Variants in TMEM272 observed in about 807,000 individuals in gnomAD.
The protein encoded by TMEM272 is transmembrane protein 272, also known as long intergenic non-protein coding RNA 282.
TMEM272 carries 8 observed loss-of-function variants against 3.7 expected under a neutral mutation model. The ratio of observed to expected loss-of-function variants is 2.17; its 90% CI spans 1.27 to 3.91. The LOEUF (loss-of-function observed/expected upper bound fraction) is 3.91. Ranked by LOEUF, TMEM272 falls within the 30% of genes most tolerant of loss-of-function variation. TMEM272 has a pLI of 0.00. For synonymous variants in TMEM272, 63 were observed against 39.8 expected (o/e 1.58, Z -2.20); for missense variants, 166 against 91.5 (o/e 1.81, Z -3.32).
At chr13:51,856,981 G>A in the TMEM272 span, among the ~76,000 whole-genome samples, 4 of 152,168 alleles carry the variant, frequency 2.6e-5, no homozygotes, top group Non-Finnish European at 5.9e-5. Context: ...TCAGTGTTGT[G>A]TAGTACCTAA....
the TMEM272 span, among the ~76,000 whole-genome samples, chr13:51,868,335 G>A: frequency 6.6e-6 from 1 of 152,204 alleles, no homozygotes; most frequent in Admixed American, 6.5e-5. Context: ...CTCTCTGAGA[G>A]AGCACTACAG....
upstream of TMEM272, among the ~76,000 whole-genome samples, chr13:51,846,575 ATAT>A (rs1260138860): frequency 6.6e-6 from 1 of 152,238 alleles, no homozygotes; most frequent in Non-Finnish European, 1.5e-5. Flanking sequence ...TTACTTATAT[ATAT>A]TAAAAAAAGG....
the TMEM272 span, among the ~76,000 whole-genome samples, chr13:51,879,321 T>C: frequency 2.6e-5 from 4 of 151,202 alleles, no homozygotes; most frequent in African/African-American, 9.8e-5. Flanking sequence ...CCAGTACCCA[T>C]ATAAGACTTT....
At chr13:51,823,232 C>T (rs1218798479) in intron 3 of TMEM272, among the ~76,000 whole-genome samples, 1 of 152,240 alleles carries the variant, frequency 6.6e-6, no homozygotes, top group Non-Finnish European at 1.5e-5. Context: ...GGATGTGCCA[C>T]TATGCACAGC....
chr13:51,825,429 T>C (rs916534145), intron 3 of TMEM272, among the ~76,000 whole-genome samples: 5 of 152,172 alleles, frequency 3.3e-5, no homozygotes, highest in African/African-American at 1.2e-4. Context: ...ATTCACAGTG[T>C]TGTGCAACTA....
At chr13:51,931,613 A>G in the TMEM272 span, among the ~76,000 whole-genome samples, 1 of 152,204 alleles carries the variant, frequency 6.6e-6, no homozygotes, top group Non-Finnish European at 1.5e-5. Context: ...TGCTCTGCAC[A>G]TGTACCTAGA....
intron 2 of TMEM272, among the ~76,000 whole-genome samples, chr13:51,835,317 C>T (rs1326144993): frequency 6.6e-6 from 1 of 151,656 alleles, no homozygotes; most frequent in East Asian, 1.9e-4. Context: ...CTCCACCTAC[C>T]GGGTTCAAGC....
At chr13:51,840,481 G>C (rs2139587621) in intron 1 of TMEM272, among the ~76,000 whole-genome samples, 1 of 152,334 alleles carries the variant, frequency 6.6e-6, no homozygotes, top group South Asian at 2.1e-4. Context: ...CTGTTAACCA[G>C]AACGGACTTT....
chr13:51,928,494 A>G, the TMEM272 span, among the ~76,000 whole-genome samples: 1 of 152,184 alleles, frequency 6.6e-6, no homozygotes, highest in East Asian at 1.9e-4. Context: ...ACTGCACTCA[A>G]CTGCGAAGAG....
Position 51,822,603 on chromosome 13 carries a change from C to T in TMEM272, c.119-466G>A, listed in dbSNP as rs552384103. 4.6e-5 allele frequency among the ~76,000 whole-genome samples: 7 copies of T among 152,100 alleles called. No individual in the cohort carries two copies. The East Asian group carries it at 7.7e-4, about 17-fold the overall frequency. On this transcript the variant is annotated intron_variant, in intron 3 of 4. Coordinates refer to ENST00000629372, the MANE Select transcript of TMEM272 (RefSeq NM_001351003.2). ...TTCTCATCTACTCTGCTTCCAGGGG[C>T]CAGGTGGCAGGGAGGAGCCGCTCTT...
chr13:51,928,273 TTTTG>T, the TMEM272 span, among the ~76,000 whole-genome samples: 181 of 152,220 alleles, frequency 1.2e-3, no homozygotes, highest in African/African-American at 4.0e-3. Context: ...AGGTGGTTTG[TTTTG>T]TTTGTTTGTT....
Position 51,816,676 on chromosome 13 carries a change from T to TGTGC in TMEM272, c.*74_*75insGCAC, listed in dbSNP as rs774560672. 1.7e-5 allele frequency: 11 copies of TGTGC among 634,650 alleles called. No individual in the cohort carries two copies. Among genetic ancestry groups the TGTGC allele is most frequent in the African/African-American group, 1.6e-4 (9 of 55,590 alleles). The allele number at this position is 634,650 out of a possible 1,614,324, so 39.3% of individuals were successfully genotyped here. ...ACCTGTGTGTGTGTGTGTGTGTGTG[T>TGTGC]GCGTCTGTGTGTCTGTGTGCACGCG... On this transcript the variant is annotated 3_prime_UTR_variant, in exon 5 of 5. Coordinates refer to ENST00000629372, the MANE Select transcript of TMEM272 (RefSeq NM_001351003.2).
the TMEM272 span, among the ~76,000 whole-genome samples, chr13:51,860,094 T>C: frequency 6.6e-6 from 1 of 152,162 alleles, no homozygotes; most frequent in Non-Finnish European, 1.5e-5. Context: ...GGTCTTGTTA[T>C]GTTGCTCTGG....
At chr13:51,859,477 C>G in the TMEM272 span, among the ~76,000 whole-genome samples, 1 of 149,598 alleles carries the variant, frequency 6.7e-6, no homozygotes, top group Non-Finnish European at 1.5e-5. Context: ...TAAAGGTATG[C>G]CCAACCTGCA....
intron 3 of TMEM272, among the ~76,000 whole-genome samples, chr13:51,823,293 G>C (rs1956095668): frequency 6.6e-6 from 1 of 152,206 alleles, no homozygotes; most frequent in African/African-American, 2.4e-5. Context: ...TGCCCAGCTT[G>C]TTCTCAAACT....
At chr13:51,925,370 C>T in the TMEM272 span, among the ~76,000 whole-genome samples, 6 of 152,290 alleles carry the variant, frequency 3.9e-5, no homozygotes, top group South Asian at 8.3e-4. Context: ...AAAGTACTGC[C>T]GGTGAGCACT....
the TMEM272 span, among the ~76,000 whole-genome samples, chr13:51,927,772 C>A: frequency 1.3e-5 from 2 of 152,204 alleles, no homozygotes; most frequent in Non-Finnish European, 2.9e-5. Flanking sequence ...CCAGTCCCTA[C>A]TTGGGGATGC....
At chr13:51,913,513 A>G in the TMEM272 span, among the ~76,000 whole-genome samples, 1 of 152,204 alleles carries the variant, frequency 6.6e-6, no homozygotes, top group African/African-American at 2.4e-5. Context: ...CAGGCCCCTC[A>G]GTCCTCTTTT....
chr13:51,872,517 T>C, the TMEM272 span, among the ~76,000 whole-genome samples: 1 of 152,114 alleles, frequency 6.6e-6, no homozygotes, highest in African/African-American at 2.4e-5. Flanking sequence ...TCCAAGACTA[T>C]GTCCCAGAAC....
Sources: gnomAD v4.1 joint callset for allele counts (sites outside exome capture counted in the v4.1 genomes callset) on GRCh38, gnomAD v4.1.1 for gene constraint, MANE v1.5 for transcripts, NCBI Gene and HGNC (gene_info 2026-07-23, HGNC 2026-07-21) for gene names.